MYCBP2: variants seen among roughly 807,000 people sequenced by gnomAD.
The protein encoded by MYCBP2 is MYC binding protein 2.
In MYCBP2, 120 loss-of-function variants were observed where a neutral mutation model predicts 525.3. The observed-to-expected ratio is 0.23, with a 90% CI of 0.20 to 0.27. The LOEUF (loss-of-function observed/expected upper bound fraction) is 0.27. MYCBP2 is among the 10% of genes least tolerant of loss of function. The probability of loss-of-function intolerance (pLI) is 1.00; values close to 1 mark genes in which losing one functional copy is unlikely to be tolerated. For synonymous variants in MYCBP2, 1,894 were observed against 1,955.8 expected (o/e 0.97, Z 0.83); for missense variants, 4,149 against 5,657.1 (o/e 0.73, Z 8.55).
At chr13:77,086,255 C>T (rs895280960) in intron 62 of MYCBP2, among the ~76,000 whole-genome samples, 2 of 152,126 alleles carry the variant, frequency 1.3e-5, no homozygotes, top group African/African-American at 2.4e-5. Flanking sequence ...AAAAAACCAA[C>T]TGACAGCCTT....
intron 22 of MYCBP2, 109 bp from the exon 23 acceptor site, chr13:77,211,429 T>C (rs2063992638): frequency 2.0e-6 from 1 of 492,686 alleles, no homozygotes. Context: ...AAGCAGAGAA[T>C]AAAAGAGGCT....
chr13:77,301,215 G>GC (rs1772864561), intron 1 of MYCBP2, among the ~76,000 whole-genome samples: 1 of 151,900 alleles, frequency 6.6e-6, no homozygotes, highest in African/African-American at 2.4e-5. Flanking sequence ...AGGAGTTCGA[G>GC]ACCAGCTTGG....
rs77644830 is a variant in MYCBP2 at position 77,117,539 on chromosome 13, C to T, written c.8140+3834G>A. Among the ~76,000 whole-genome samples the T allele has an allele frequency of 1.7e-3, 254 of 152,104 alleles. 4 individuals are homozygous for T. The highest frequency in any genetic ancestry group is 5.4e-3 in the African/African-American group (225 of 41,514). ...ATTTTTGTAAACAAATAACTTAGACCTAAGTGTGAATGTACTTTACCAAAG... is the reference window on the plus strand; with the variant it reads ...ATTTTTGTAAACAAATAACTTAGACTTAAGTGTGAATGTACTTTACCAAAG... On this transcript the variant is annotated intron_variant, in intron 55 of 82. Coordinates refer to ENST00000544440, the MANE Select transcript of MYCBP2 (RefSeq NM_015057.5).
Position 77,058,068 on chromosome 13 carries a change from C to T in MYCBP2, c.13329+150G>A. 1 of 754,790 alleles carries T rather than the reference C, an allele frequency of 1.3e-6. No homozygotes were observed. Among genetic ancestry groups the T allele is most frequent in the Non-Finnish European group, 2.1e-6 (1 of 473,590 alleles). The allele number at this position is 754,790 out of a possible 1,614,324, so 46.8% of individuals were successfully genotyped here. On this transcript the variant is annotated intron_variant, in intron 78 of 82. Transcript: ENST00000544440. The surrounding 1 kb of genome is among the most constrained non-coding windows in gnomAD (Gnocchi z 4.1). ...TGTTAGCCAGGATGGTCTCGATCTC[C>T]TGACCTCGTGATCCACCTGCCTCGG...
intron 62 of MYCBP2, among the ~76,000 whole-genome samples, chr13:77,084,068 C>T (rs1005365910): frequency 6.6e-6 from 1 of 152,162 alleles, no homozygotes; most frequent in African/African-American, 2.4e-5. Context: ...TAGTTTATTT[C>T]ATCAGTCCAC....
chr13:77,083,195 A>G lies in MYCBP2; in HGVS notation c.10876-3T>C, dbSNP rs760871484. On this transcript the variant is annotated splice_polypyrimidine_tract_variant and splice_region_variant and intron_variant, in intron 62 of 82. Transcript: ENST00000544440. ...TCACATACTCTTGTATCTTTCTCCT[A>G]AGGCAGAAATTGAAACAAGTTTATC... The G allele has an allele frequency of 2.5e-6, 4 of 1,611,164 alleles. No individual in the cohort carries two copies. Among genetic ancestry groups the G allele is most frequent in the Non-Finnish European group, 2.5e-6 (3 of 1,178,446 alleles).
intron 54 of MYCBP2, 141 bp downstream of exon 54, chr13:77,125,195 G>T (rs2051434814): frequency 9.7e-7 from 1 of 1,027,348 alleles, no homozygotes; most frequent in Non-Finnish European, 1.4e-6. Context: ...TTTAACAGTT[G>T]CAAGATTTTT....
intron 3 of MYCBP2, among the ~76,000 whole-genome samples, chr13:77,279,915 G>A (rs2076013874): frequency 6.6e-6 from 1 of 151,992 alleles, no homozygotes; most frequent in Non-Finnish European, 1.5e-5. Flanking sequence ...CAACCATGTT[G>A]GGATCTTCCA....
At chr13:77,205,741 A>G (rs2063253775) in intron 24 of MYCBP2, 143 bp from the exon 25 acceptor site, 1 of 707,210 alleles carries the variant, frequency 1.4e-6, no homozygotes, top group Non-Finnish European at 2.2e-6. Context: ...TCATGGAAGA[A>G]TGCTTAAAAC....
chr13:77,142,417 C>T (rs1204767702), intron 49 of MYCBP2, among the ~76,000 whole-genome samples: 1 of 152,140 alleles, frequency 6.6e-6, no homozygotes, highest in African/African-American at 2.4e-5. Flanking sequence ...TAGAATGGTA[C>T]AGATGAACTG....
Position 77,168,505 on chromosome 13 carries a change from C to T in MYCBP2, c.6037G>A (p.Ala2013Thr), listed in dbSNP as rs2058775264. 4.3e-6 allele frequency: 7 copies of T among 1,614,052 alleles called. No homozygotes were observed. The highest frequency in any genetic ancestry group is 5.9e-6 in the Non-Finnish European group (7 of 1,180,016). ...TGNQPEQGLS[A>T]CTTSSHYAVI... is the part of the protein sequence containing the mutation. ...GCATAGTGACTGGAGGTTGTACAAG[C>T]AGAGAGGCCCTGTTCAGGCTGGTTT... The change falls in exon 40 of 83, where the codon GCT (alanine) becomes ACT (threonine). Residue 2013 changes from alanine to threonine, a missense_variant. Ala to Thr is a moderately conservative substitution (Grantham distance 58). This residue lies in a region of MYCBP2 where 692 missense variants were observed against 852.7 expected (regional missense o/e 0.81). Transcript: ENST00000544440.
At chr13:77,193,382 T>G (rs2061468864) in intron 27 of MYCBP2, among the ~76,000 whole-genome samples, 1 of 152,204 alleles carries the variant, frequency 6.6e-6, no homozygotes, top group Non-Finnish European at 1.5e-5. Flanking sequence ...GCAAAGTCAG[T>G]ATCTTACGAT....
intron 3 of MYCBP2, among the ~76,000 whole-genome samples, chr13:77,285,933 T>TA (rs2076708353): frequency 6.6e-6 from 1 of 150,490 alleles, no homozygotes; most frequent in African/African-American, 2.4e-5. Context: ...AAGGAGCTAT[T>TA]AGAGTAGGTA....
chr13:77,192,336 G>T (rs183867923), intron 27 of MYCBP2, among the ~76,000 whole-genome samples: 61 of 152,280 alleles, frequency 4.0e-4, no homozygotes, highest in Non-Finnish European at 7.9e-4. Context: ...ATAATATCCT[G>T]CTCATAGAGT....
At chr13:77,059,372 T>TC (rs1457198614) in intron 77 of MYCBP2, 151 bp downstream of exon 77, 1 of 588,458 alleles carries the variant, frequency 1.7e-6, no homozygotes, top group East Asian at 2.6e-5. Context: ...GACCCATTCT[T>TC]CAACTTTGGT....
chr13:77,070,490 T>G (rs2041002687), intron 69 of MYCBP2, 141 bp downstream of exon 69: 1 of 526,312 alleles, frequency 1.9e-6, no homozygotes, highest in African/African-American at 1.9e-5. Flanking sequence ...ACAATTCTTT[T>G]TCTTCAAATA....
intron 55 of MYCBP2, among the ~76,000 whole-genome samples, chr13:77,102,994 T>C (rs558029597): frequency 1.5e-3 from 229 of 152,152 alleles, no homozygotes; most frequent in African/African-American, 5.2e-3. Flanking sequence ...AACCTATAGA[T>C]GTAATAAACA....
At chr13:77,276,845 G>C (rs1167898479) in intron 4 of MYCBP2, among the ~76,000 whole-genome samples, 2 of 109,562 alleles carry the variant, frequency 1.8e-5, no homozygotes, top group Admixed American at 1.1e-4. Context: ...TTTTTGGAGA[G>C]ATAGGGGTCT....
In MYCBP2 at chr13:77,326,784, C is replaced by T. The variant is rs1389255934; in HGVS notation, c.-9G>A. On this transcript the variant is annotated 5_prime_UTR_variant, in exon 1 of 83. Transcript: ENST00000544440. The surrounding 1 kb of genome is among the most constrained non-coding windows in gnomAD (Gnocchi z 4.2). ...GCTGCGCACATCATCATCCTCGCCG[C>T]CGCCGCCGCCGCCGCCGCCTCGTCC... The T allele has an allele frequency of 7.2e-7, 1 of 1,396,730 alleles. No homozygotes were observed. The highest frequency in any genetic ancestry group is 9.2e-7 in the Non-Finnish European group (1 of 1,087,670). The allele number at this position is 1,396,730 out of a possible 1,614,324, so 86.5% of individuals were successfully genotyped here. A position where few individuals can be genotyped will look rare whatever the true frequency, so the allele number is the denominator to read the frequency against.
Sources: allele counts gnomAD v4.1 joint callset (sites outside exome capture counted in the v4.1 genomes callset), GRCh38; gene constraint gnomAD v4.1.1; regional missense constraint gnomAD v4.1.1; non-coding constraint Gnocchi (gnomAD v3.1); transcripts MANE v1.5; gene names NCBI Gene and HGNC (gene_info 2026-07-23, HGNC 2026-07-21).